The following EPB41L4A variants were observed in gnomAD, a reference collection of about 807,000 sequenced individuals.
EPB41L4A encodes band 4.1-like protein 4A.
A neutral mutation model predicts 108.6 loss-of-function variants in EPB41L4A; 100 were observed. That is an observed-to-expected ratio of 0.92 (90% CI 0.78 to 1.09). The LOEUF (loss-of-function observed/expected upper bound fraction) is 1.09, where lower values mean the gene tolerates loss of function less well. Among genes scored for constraint, EPB41L4A ranks in the 50% least tolerant of loss-of-function variants. EPB41L4A has a pLI of 0.00. For missense variants in EPB41L4A, 1,030 were observed against 842.7 expected (o/e 1.22, Z -2.75); for synonymous variants, 319 against 289.0 (o/e 1.10, Z -1.05).
At chr5:112,270,706 G>A (rs1183063057) in intron 4 of EPB41L4A, among the ~76,000 whole-genome samples, 5 of 152,084 alleles carry the variant, frequency 3.3e-5, no homozygotes, top group Non-Finnish European at 7.4e-5. Flanking sequence ...GAGGAGACAG[G>A]GACTCAGGAA....
chr5:112,413,657 AG>A (rs1762538318), intron 1 of EPB41L4A, among the ~76,000 whole-genome samples: 1 of 152,196 alleles, frequency 6.6e-6, no homozygotes, highest in African/African-American at 2.4e-5. Context: ...CCGCTTGGTC[AG>A]GCAGAAGTGA....
At chr5:112,270,513 A>G (rs1752187040) in intron 4 of EPB41L4A, among the ~76,000 whole-genome samples, 1 of 152,262 alleles carries the variant, frequency 6.6e-6, no homozygotes, top group Admixed American at 6.5e-5. Flanking sequence ...GAAAAACAGT[A>G]GAGAAAATCA....
intron 1 of EPB41L4A, among the ~76,000 whole-genome samples, chr5:112,328,240 C>A (rs1735771942): frequency 6.6e-6 from 1 of 151,970 alleles, no homozygotes; most frequent in African/African-American, 2.4e-5. Context: ...ACCCAGGGGG[C>A]AGAGGTTACA....
intron 1 of EPB41L4A, among the ~76,000 whole-genome samples, chr5:112,339,490 ATATATC>A (rs1294385643): frequency 5.0e-5 from 6 of 119,754 alleles, no homozygotes; most frequent in African/African-American, 2.3e-4. Context: ...ATATATATAT[ATATATC>A]TATATATATA....
chr5:112,156,158 A>T (rs1472363267), intron 12 of EPB41L4A, among the ~76,000 whole-genome samples: 1 of 152,160 alleles, frequency 6.6e-6, no homozygotes, highest in Non-Finnish European at 1.5e-5. Flanking sequence ...CAGAAAAAAT[A>T]ATAAAATTCA....
intron 2 of EPB41L4A, among the ~76,000 whole-genome samples, chr5:112,284,124 A>C (rs1162190360): frequency 6.6e-6 from 1 of 152,296 alleles, no homozygotes; most frequent in East Asian, 1.9e-4. Context: ...ACAGCTAACA[A>C]ATACTCAGCT....
chr5:112,184,060 G>GT lies in EPB41L4A; in HGVS notation c.1577dup (p.Asn526LysfsTer53). 1 of 1,613,940 alleles carries GT rather than the reference G, an allele frequency of 6.2e-7. No individual in the cohort carries two copies. Among genetic ancestry groups the GT allele is most frequent in the Non-Finnish European group, 8.5e-7 (1 of 1,179,896 alleles). ...ATCGCCTGTTGTTGGGGTCGGCTTG[G>GT]TTTTTTTCCTTTTGTCTCCTTAATA... On this transcript the variant is annotated frameshift_variant, in exon 18 of 23. Transcript: ENST00000261486. LOFTEE classifies it high-confidence loss of function.
chr5:112,390,700 T>G (rs573430995), intron 1 of EPB41L4A, among the ~76,000 whole-genome samples: 1 of 152,308 alleles, frequency 6.6e-6, no homozygotes, highest in Admixed American at 6.5e-5. Flanking sequence ...GCAGTGGTTC[T>G]CCCAGCACAG....
At chr5:112,146,648 A>G (rs1759269441) in intron 12 of EPB41L4A, among the ~76,000 whole-genome samples, 1 of 152,248 alleles carries the variant, frequency 6.6e-6, no homozygotes, top group South Asian at 2.1e-4. Context: ...GACTAAGCAC[A>G]GCAACCAAAT....
chr5:112,276,308 G>A (rs1580589926), intron 3 of EPB41L4A, among the ~76,000 whole-genome samples: 1 of 152,248 alleles, frequency 6.6e-6, no homozygotes, highest in South Asian at 2.1e-4. Context: ...GCCTGGAATT[G>A]TATGTACATG....
chr5:112,343,410 C>T (rs568095749), intron 1 of EPB41L4A, among the ~76,000 whole-genome samples: 1 of 152,144 alleles, frequency 6.6e-6, no homozygotes, highest in Non-Finnish European at 1.5e-5. Flanking sequence ...GTCATTTGTC[C>T]CATCTGTAAG....
chr5:112,415,792 C>A (rs1470489641), intron 1 of EPB41L4A, among the ~76,000 whole-genome samples: 1 of 152,120 alleles, frequency 6.6e-6, no homozygotes, highest in African/African-American at 2.4e-5. Context: ...GCTCAACACA[C>A]AACCAATAGC....
At chr5:112,308,774 C>T (rs1181647303) in intron 1 of EPB41L4A, among the ~76,000 whole-genome samples, 1 of 152,136 alleles carries the variant, frequency 6.6e-6, no homozygotes, top group Non-Finnish European at 1.5e-5. Context: ...TATGTATACT[C>T]ATAATTACAG....
At position 112,324,249 on chromosome 5, in the gene EPB41L4A, G is replaced by A. The variant is rs1177819176; in HGVS notation, c.100-16759C>T. On this transcript the variant is annotated intron_variant, in intron 1 of 22. Transcript: ENST00000261486. The stretch of plus-strand genomic sequence containing the variant: ...AAACTATCTCAGTAAAACTAAGGGG[G>A]GATATTTATTTTTAATTTTTGTAAT... 7.2e-5 allele frequency among the ~76,000 whole-genome samples: 11 copies of A among 152,002 alleles called. 1 individual carries two copies. Among genetic ancestry groups the A allele is most frequent in the Admixed American group, 7.2e-4 (11 of 15,244 alleles).
Position 112,287,352 on chromosome 5 carries a change from C to T in EPB41L4A, c.205-7029G>A, listed in dbSNP as rs142181220. ...TTTCCATTGGTTCCAGTCAAAACCT[C>T]TTTATCTTCTATCTCTTCTATCCAT... On this transcript the variant is annotated intron_variant, in intron 2 of 22. Transcript: ENST00000261486. 6.4e-4 allele frequency among the ~76,000 whole-genome samples: 98 copies of T among 152,354 alleles called. No homozygotes were observed. In the Middle Eastern group the frequency reaches 0.01, roughly 16 times the overall value.
intron 12 of EPB41L4A, among the ~76,000 whole-genome samples, chr5:112,217,212 A>C (rs943217679): frequency 1.3e-5 from 2 of 152,160 alleles, no homozygotes; most frequent in African/African-American, 4.8e-5. Flanking sequence ...CCAAAATGCT[A>C]GAATTACAGG....
chr5:112,362,962 T>C (rs1055471556), intron 1 of EPB41L4A, among the ~76,000 whole-genome samples: 1 of 152,072 alleles, frequency 6.6e-6, no homozygotes, highest in Non-Finnish European at 1.5e-5. Flanking sequence ...TTTTGGAAAA[T>C]ATTTTTGGTC....
At chr5:112,240,296 CTTCA>C (rs1371053377) in intron 10 of EPB41L4A, among the ~76,000 whole-genome samples, 3 of 152,162 alleles carry the variant, frequency 2.0e-5, no homozygotes, top group Non-Finnish European at 2.9e-5. Flanking sequence ...ACTTAAGTGA[CTTCA>C]TCAACTTTGG....
At chr5:112,339,308 T>C (rs1757112443) in intron 1 of EPB41L4A, among the ~76,000 whole-genome samples, 1 of 151,958 alleles carries the variant, frequency 6.6e-6, no homozygotes, top group African/African-American at 2.4e-5. Flanking sequence ...CTGACAGCAC[T>C]GCCCCCATAA....
Sources: gnomAD v4.1 joint callset for allele counts (sites outside exome capture counted in the v4.1 genomes callset) on GRCh38, gnomAD v4.1.1 for gene constraint, MANE v1.5 for transcripts, NCBI Gene and HGNC (gene_info 2026-07-23, HGNC 2026-07-21) for gene names.